HNRNPK: variants seen among roughly 807,000 people sequenced by gnomAD.
HNRNPK encodes the protein heterogeneous nuclear ribonucleoprotein K, also known as dC-stretch binding protein.
A neutral mutation model predicts 67.0 loss-of-function variants in HNRNPK; 7 were observed. That is an observed-to-expected ratio of 0.10 (90% CI 0.06 to 0.20). HNRNPK has a LOEUF of 0.20. HNRNPK is among the 10% of genes least tolerant of loss of function. The probability of loss-of-function intolerance (pLI) is 1.00; values close to 1 mark genes in which losing one functional copy is unlikely to be tolerated. For synonymous variants in HNRNPK, 213 were observed against 193.7 expected (o/e 1.10, Z -0.83); for missense variants, 264 against 606.5 (o/e 0.44, Z 5.93).
rs296885 is a variant in HNRNPK at position 83,969,988 on chromosome 9, A to G, written c.1361+174T>C. The G allele has an allele frequency of 0.68, 438,108 of 646,340 alleles. 151,734 individuals carry two copies. Among genetic ancestry groups the G allele is most frequent in the African/African-American group, 0.93 (50,731 of 54,604 alleles). 40.0% of individuals were successfully genotyped at this position (646,340 alleles called of 1,614,324 possible). A position where few individuals can be genotyped will look rare whatever the true frequency, so the allele number is the denominator to read the frequency against. On this transcript the variant is annotated intron_variant, in intron 16 of 16. Coordinates refer to ENST00000376263, the MANE Select transcript of HNRNPK (RefSeq NM_031263.4). ...AGCAAGATTAGTATTGAATGTCTTC[A>G]TTTTTAGTAAGAAAGCAGAAGAAAA...
rs1163515865 is a variant in HNRNPK, at chr9:83,971,944, G to A, written c.891C>T (p.Gly297=). 6.3e-7 allele frequency: 1 copy of A among 1,595,338 alleles called. No individual in the cohort carries two copies. The highest frequency in any genetic ancestry group is 8.6e-7 in the Non-Finnish European group (1 of 1,167,596). The change falls in exon 11 of 17, where the codon GGC becomes GGT. Residue 297 remains glycine (G), a synonymous_variant. Transcript: ENST00000376263. ...RGPPPPPPGR[G]GRGGSRARNL... ...TCCGAGCTCTGCTACCACCCCGGCC[G>A]CCTCGTCCGGGAGGAGGGGGAGGTG...
intron 1 of HNRNPK, among the ~76,000 whole-genome samples, chr9:83,978,992 C>T (rs1374215473): frequency 6.6e-6 from 1 of 152,138 alleles, no homozygotes; most frequent in Non-Finnish European, 1.5e-5. Flanking sequence ...ACCACAATAC[C>T]AGTCTATTAT....
rs535426539 is a variant in HNRNPK, at chr9:83,970,673, A to G, written c.1191+64T>C. 22 of 1,088,394 alleles carry G rather than the reference A, an allele frequency of 2.0e-5. No homozygotes were observed. The Admixed American group carries it at 4.0e-4, about 20-fold the overall frequency. The allele number at this position is 1,088,394 out of a possible 1,614,324, so 67.4% of individuals were successfully genotyped here. A position where few individuals can be genotyped will look rare whatever the true frequency, so the allele number is the denominator to read the frequency against. On this transcript the variant is annotated intron_variant, in intron 15 of 16. Transcript: ENST00000376263. Reference sequence around the variant, plus strand: ...GTTAAAACCTTCTGAATTAAAAAATATACAGAAAGGAGGAATAATCATAAA... The same window carrying G: ...GTTAAAACCTTCTGAATTAAAAAATGTACAGAAAGGAGGAATAATCATAAA...
At chr9:83,971,006 T>G in intron 13 of HNRNPK, 94 bp from the exon 14 acceptor site, 1 of 1,272,812 alleles carries the variant, frequency 7.9e-7, no homozygotes, top group South Asian at 1.2e-5. Context: ...GGAGTCTTGC[T>G]ATGTTGCCCA....
Position 83,978,185 on chromosome 9 carries a change from T to C in HNRNPK, c.58+10A>G. 1 of 1,569,278 alleles carries C rather than the reference T, an allele frequency of 6.4e-7. No individual in the cohort carries two copies. Among genetic ancestry groups the C allele is most frequent in the African/African-American group, 1.3e-5 (1 of 74,078 alleles). On this transcript the variant is annotated intron_variant, in intron 3 of 16. Coordinates refer to ENST00000376263, the MANE Select transcript of HNRNPK (RefSeq NM_031263.4). ...AAAAAAATACTGTTAAAACTAAAAT[T>C]TCTTCTCACCAAATTCACCATTGGT...
intron 15 of HNRNPK, 55 bp downstream of exon 15, chr9:83,970,679 AAAG>A (rs1956789233): frequency 9.0e-7 from 1 of 1,107,264 alleles, no homozygotes; most frequent in African/African-American, 1.6e-5. Flanking sequence ...AAATATACAG[AAAG>A]GAGGAATAAT....
At chr9:83,978,160 A>G (rs765107550) in intron 3 of HNRNPK, 35 bp downstream of exon 3, 2 of 1,361,110 alleles carry the variant, frequency 1.5e-6, no homozygotes, top group Non-Finnish European at 1.1e-6. Flanking sequence ...TTAACAGGAT[A>G]AAAAAATACT....
Position 83,971,718 on chromosome 9 carries a change from A to G in HNRNPK, c.962T>C (p.Met321Thr). 1 of 1,613,892 alleles carries G rather than the reference A, an allele frequency of 6.2e-7. No homozygotes were observed. Among genetic ancestry groups the G allele is most frequent in the Non-Finnish European group, 8.5e-7 (1 of 1,179,774 alleles). ...AGGTCTCCCTCTTCTGTCATAGGCC[A>G]TGAGGTCTCTGCAAGCATAGTACTT... is the stretch of plus-strand genomic sequence containing the variant. ...PPPPPRGGDL[M>T]AYDRRGRPGD... Residue 321 changes from methionine (M) to threonine (T), a missense_variant, in exon 12 of 17, where the codon ATG becomes ACG. Around this residue, in one of 6 missense-constraint regions of HNRNPK, gnomAD observed 142 missense variants for 256.5 expected, o/e 0.55. Transcript: ENST00000376263.
intron 15 of HNRNPK, 73 bp from the exon 16 acceptor site, chr9:83,970,404 T>A: frequency 8.5e-7 from 1 of 1,183,292 alleles, no homozygotes; most frequent in Non-Finnish European, 1.2e-6. Flanking sequence ...TCAAGGAGCA[T>A]GAAGTTATTA....
Position 83,970,888 on chromosome 9 carries a change from A to G in HNRNPK, c.1108+9T>C, listed in dbSNP as rs748953133. On this transcript the variant is annotated intron_variant, in intron 14 of 16. Transcript: ENST00000376263. ...ATTAATGTTTGACTTCACAAAGGAG[A>G]GAACTTACCATATCCGGAGCCACCC... 1.2e-6 allele frequency: 2 copies of G among 1,612,838 alleles called. No individual in the cohort carries two copies. The highest frequency in any genetic ancestry group is 2.2e-5 in the East Asian group (1 of 44,862).
intron 5 of HNRNPK, among the ~76,000 whole-genome samples, chr9:83,976,042 G>A (rs1055805755): frequency 1.3e-5 from 2 of 152,292 alleles, no homozygotes; most frequent in East Asian, 1.9e-4. Context: ...TGGATTAAGA[G>A]GAGAGAGGTT....
chr9:83,979,589 G>T (rs1362159120), intron 1 of HNRNPK, among the ~76,000 whole-genome samples: 3 of 152,274 alleles, frequency 2.0e-5, no homozygotes, highest in East Asian at 1.9e-4. Flanking sequence ...GTCGACAGCA[G>T]AAGCACCGCA....
At chr9:83,970,390 A>G in intron 15 of HNRNPK, 59 bp from the exon 16 acceptor site, 1 of 1,285,392 alleles carries the variant, frequency 7.8e-7, no homozygotes, top group East Asian at 2.3e-5. Flanking sequence ...TACTACCTGT[A>G]TTTTCAAGGA....
chr9:83,972,848 G>C lies in HNRNPK; in HGVS notation c.641C>G (p.Ser214Cys). The change falls in exon 10 of 17, where the codon TCT becomes TGT. Residue 214 changes from serine to cysteine, a missense_variant. Ser to Cys is a moderately radical substitution (Grantham distance 112). This residue lies in a region of HNRNPK where 142 missense variants were observed against 256.5 expected (regional missense o/e 0.55). Transcript: ENST00000376263. ...ACAAAAAGTGTTCTGAAGTACCTCAGATATAAGATCAAGGATGATCTTTAT... is the reference window on the plus strand; with the variant it reads ...ACAAAAAGTGTTCTGAAGTACCTCACATATAAGATCAAGGATGATCTTTAT... ...ECIKIILDLI[S>C]ESPIKGRAQP... 3 of 1,594,658 alleles carry C rather than the reference G, an allele frequency of 1.9e-6. No homozygotes were observed. Among genetic ancestry groups the C allele is most frequent in the Non-Finnish European group, 2.6e-6 (3 of 1,173,664 alleles).
intron 5 of HNRNPK, 102 bp downstream of exon 5, chr9:83,976,893 G>C: frequency 1.5e-6 from 1 of 646,794 alleles, no homozygotes; most frequent in Admixed American, 2.7e-5. Flanking sequence ...AAATGTCTTT[G>C]TAGCTAAACT....
In HNRNPK at chr9:83,972,148, A is replaced by G. The variant is rs1378125159; in HGVS notation, c.687T>C (p.Phe229=). 1 of 1,613,102 alleles carries G rather than the reference A, an allele frequency of 6.2e-7. No individual in the cohort carries two copies. The highest frequency in any genetic ancestry group is 8.5e-7 in the Non-Finnish European group (1 of 1,179,518). Residue 229 remains phenylalanine (F), a synonymous_variant, in exon 11 of 17, where the codon TTT becomes TTC. Coordinates refer to ENST00000376263, the MANE Select transcript of HNRNPK (RefSeq NM_031263.4). ...KGRAQPYDPN[F]YDETYDYGGF... ...CACCATAATCATAGGTTTCATCGTA[A>G]AAATTGGGATCATAAGGCTGTGCAC... is the stretch of plus-strand genomic sequence containing the variant.
At chr9:83,970,060 T>C (rs188544525) in intron 16 of HNRNPK, 102 bp downstream of exon 16, 127 of 934,404 alleles carry the variant, frequency 1.4e-4, no homozygotes, top group Middle Eastern at 9.6e-4. Flanking sequence ...CCCCAAAAGG[T>C]TGAGACACCA....
At chr9:83,971,181 A>C in intron 13 of HNRNPK, 92 bp downstream of exon 13, 1 of 923,666 alleles carries the variant, frequency 1.1e-6, no homozygotes, top group Admixed American at 1.7e-5. Flanking sequence ...TATTTTCAGT[A>C]AGTATCCTCA....
At chr9:83,976,745 A>G in intron 5 of HNRNPK, 1 of 351,290 alleles carries the variant, frequency 2.8e-6, no homozygotes, top group Non-Finnish European at 5.1e-6. Flanking sequence ...TTGCTTGATG[A>G]AGTGAATAAT....
Sources: allele counts gnomAD v4.1 joint callset (sites outside exome capture counted in the v4.1 genomes callset), GRCh38; gene constraint gnomAD v4.1.1; regional missense constraint gnomAD v4.1.1; transcripts MANE v1.5; gene names NCBI Gene and HGNC (gene_info 2026-07-23, HGNC 2026-07-21).